SLCO6A1: variants seen among roughly 807,000 people sequenced by gnomAD.
SLCO6A1 encodes cancer/testis antigen 48.
SLCO6A1 carries 65 observed loss-of-function variants against 72.7 expected under a neutral mutation model. That is an observed-to-expected ratio of 0.89 (90% CI 0.73 to 1.10). The LOEUF is 1.10. Ranked by LOEUF, SLCO6A1 falls within the 50% of genes least tolerant of loss-of-function variation. The pLI, the probability that SLCO6A1 is intolerant of heterozygous loss-of-function variation, is 0.00. For synonymous variants in SLCO6A1, 314 were observed against 298.2 expected, an observed-to-expected ratio of 1.05 and a Z score of -0.55; for missense variants, 874 against 872.6, an observed-to-expected ratio of 1.00 and a Z score of -0.02.
intron 4 of SLCO6A1, among the ~76,000 whole-genome samples, chr5:102,465,726 CATATGAAT>C (rs1751277734): frequency 6.6e-6 from 1 of 152,078 alleles, no homozygotes; most frequent in African/African-American, 2.4e-5. Flanking sequence ...CACCATCTAT[CATATGAAT>C]ACCTTACCCT....
intron 6 of SLCO6A1, among the ~76,000 whole-genome samples, chr5:102,446,514 A>G (rs910507415): frequency 6.6e-6 from 1 of 152,176 alleles, no homozygotes; most frequent in African/African-American, 2.4e-5. Flanking sequence ...ATTGTCTGTA[A>G]AGAAAATAAG....
chr5:102,471,057 C>T lies in SLCO6A1; in HGVS notation c.899+4640G>A, dbSNP rs544857678. Among the ~76,000 whole-genome samples, 3 of 152,004 alleles carry T rather than the reference C, an allele frequency of 2.0e-5. No homozygotes were observed. The East Asian group carries it at 5.8e-4, about 29-fold the overall frequency. On this transcript the variant is annotated intron_variant, in intron 4 of 13. Transcript: ENST00000506729. ...CTTTCTTGGGGCATGGTTTTTCTTT[C>T]GTGAGTTGTTGTAATGATTTCTCCA... is the stretch of plus-strand genomic sequence containing the variant.
chr5:102,411,438 T>C (rs1747974503), intron 9 of SLCO6A1, among the ~76,000 whole-genome samples: 1 of 152,080 alleles, frequency 6.6e-6, no homozygotes, highest in Non-Finnish European at 1.5e-5. Context: ...TTAATTTTTG[T>C]ATGTTTTGTA....
At chr5:102,408,110 CT>C (rs911008911) in intron 9 of SLCO6A1, among the ~76,000 whole-genome samples, 11 of 152,040 alleles carry the variant, frequency 7.2e-5, no homozygotes, top group African/African-American at 2.7e-4. Context: ...ATATCTACTC[CT>C]TTTTTTCCTA....
intron 6 of SLCO6A1, among the ~76,000 whole-genome samples, chr5:102,443,146 G>A (rs1321412872): frequency 6.6e-6 from 1 of 152,110 alleles, no homozygotes; most frequent in African/African-American, 2.4e-5. Flanking sequence ...GCAATGAGCT[G>A]AGATGGCACC....
At position 102,498,873 on chromosome 5, in the gene SLCO6A1, C is replaced by T. The variant is rs761048067; in HGVS notation, c.-29G>A. On this transcript the variant is annotated 5_prime_UTR_variant, in exon 1 of 14. Transcript: ENST00000506729. ...TCACCCTGGGCGGCTCCTGGCGACG[C>T]GGCCCGAGTGCTCTCGGCTGCCCGT... 4.4e-6 allele frequency: 7 copies of T among 1,574,266 alleles called. No homozygotes were observed. The highest frequency in any genetic ancestry group is 1.8e-5 in the Admixed American group (1 of 57,034).
chr5:102,491,489 G>A (rs1032798050), intron 1 of SLCO6A1, among the ~76,000 whole-genome samples: 1 of 152,232 alleles, frequency 6.6e-6, no homozygotes, highest in African/African-American at 2.4e-5. Context: ...CCACGGAGGT[G>A]GGGGAGGCTC....
chr5:102,467,719 C>G (rs1202367003), intron 4 of SLCO6A1, among the ~76,000 whole-genome samples: 1 of 152,018 alleles, frequency 6.6e-6, no homozygotes, highest in Non-Finnish European at 1.5e-5. Context: ...TTTGAATCAC[C>G]TTTCTTTCTT....
At chr5:102,404,206 A>G (rs1287020945) in intron 9 of SLCO6A1, among the ~76,000 whole-genome samples, 3 of 152,210 alleles carry the variant, frequency 2.0e-5, no homozygotes, top group Admixed American at 6.5e-5. Context: ...GCTTAAGAAC[A>G]TATTTTAGGC....
intron 1 of SLCO6A1, among the ~76,000 whole-genome samples, chr5:102,482,870 C>G (rs1463702936): frequency 6.6e-6 from 1 of 152,104 alleles, no homozygotes; most frequent in African/African-American, 2.4e-5. Flanking sequence ...CATAACAGAA[C>G]CAGAACTATA....
intron 6 of SLCO6A1, among the ~76,000 whole-genome samples, chr5:102,450,471 T>A (rs1360581795): frequency 6.6e-6 from 1 of 152,214 alleles, no homozygotes; most frequent in Non-Finnish European, 1.5e-5. Flanking sequence ...GTAGGTGGGC[T>A]CTTGCTCAGC....
At chr5:102,395,540 C>T (rs1231830608) in intron 10 of SLCO6A1, among the ~76,000 whole-genome samples, 7 of 151,438 alleles carry the variant, frequency 4.6e-5, no homozygotes, top group East Asian at 1.9e-4. Context: ...ATTTATAATC[C>T]TTTGGGTATA....
At chr5:102,479,107 C>T (rs1232056338) in intron 2 of SLCO6A1, among the ~76,000 whole-genome samples, 7 of 152,062 alleles carry the variant, frequency 4.6e-5, no homozygotes, top group Admixed American at 3.3e-4. Context: ...CCCAATGTTG[C>T]GGGAGGGACC....
intron 10 of SLCO6A1, among the ~76,000 whole-genome samples, chr5:102,396,374 G>A (rs902230807): frequency 3.9e-5 from 6 of 152,082 alleles, no homozygotes; most frequent in African/African-American, 1.4e-4. Context: ...TTATTTCTGA[G>A]ACTTTTAGGG....
chr5:102,374,632 T>G (rs139999034), intron 12 of SLCO6A1, among the ~76,000 whole-genome samples: 1 of 152,212 alleles, frequency 6.6e-6, no homozygotes, highest in African/African-American at 2.4e-5. Context: ...AATGATTCTA[T>G]GCCATTTATA....
intron 9 of SLCO6A1, among the ~76,000 whole-genome samples, chr5:102,411,792 T>C (rs1188851962): frequency 6.6e-6 from 1 of 152,116 alleles, no homozygotes; most frequent in East Asian, 1.9e-4. Flanking sequence ...TGTTTCTTTG[T>C]CATATTTTGA....
chr5:102,385,235 T>C (rs1226182569), intron 12 of SLCO6A1, among the ~76,000 whole-genome samples: 1 of 152,184 alleles, frequency 6.6e-6, no homozygotes, highest in Non-Finnish European at 1.5e-5. Context: ...CAAAATTCTC[T>C]CTTGCCTTTG....
At chr5:102,461,441 C>T (rs556544751) in intron 4 of SLCO6A1, among the ~76,000 whole-genome samples, 2 of 152,116 alleles carry the variant, frequency 1.3e-5, no homozygotes, top group African/African-American at 4.8e-5. Flanking sequence ...ATTGAAGAGT[C>T]ATTTTGCAAA....
intron 12 of SLCO6A1, 85 bp downstream of exon 12, chr5:102,388,603 A>T (rs6873305): frequency 0.62 from 646,568 of 1,035,170 alleles, 203,964 homozygotes; most frequent in African/African-American, 0.66. Flanking sequence ...TCATGGTTTA[A>T]AATTATAATT....
Sources: allele counts gnomAD v4.1 joint callset (sites outside exome capture counted in the v4.1 genomes callset), GRCh38; gene constraint gnomAD v4.1.1; transcripts MANE v1.5; gene names NCBI Gene and HGNC (gene_info 2026-07-23, HGNC 2026-07-21).